The following WSB1 variants were observed in gnomAD, a reference collection of about 807,000 sequenced individuals.
WSB1 encodes WD repeat and SOCS box-containing protein 1.
Under a neutral mutation model 50.2 loss-of-function variants are expected in WSB1, and 23 were observed. The observed-to-expected ratio is 0.46, with a 90% CI of 0.33 to 0.65. The LOEUF (loss-of-function observed/expected upper bound fraction) is 0.65. WSB1 is among the 30% of genes least tolerant of loss of function. WSB1 has a pLI of 0.02. For synonymous variants in WSB1, 179 were observed against 172.0 expected (o/e 1.04, Z -0.32); for missense variants, 492 against 522.3 (o/e 0.94, Z 0.56).
At chr17:27,295,894 A>G (rs557183148) in intron 1 of WSB1, among the ~76,000 whole-genome samples, 49 of 151,376 alleles carry the variant, frequency 3.2e-4, no homozygotes, top group African/African-American at 9.0e-4. Context: ...CTGGAGTGCA[A>G]TGGCACGATC....
At position 27,298,119 on chromosome 17, in the gene WSB1, C is replaced by T. The variant is rs1458466622; in HGVS notation, c.41-3669C>T. On this transcript the variant is annotated intron_variant, in intron 1 of 8. Transcript: ENST00000262394. ...CAGCCTGGGCAACAGAGCAAGCCTC[C>T]GTCTCAGAAAAAAAAAAAAAAAAAA... 1.6e-4 allele frequency among the ~76,000 whole-genome samples: 20 copies of T among 128,070 alleles called. No individual in the cohort carries two copies. The South Asian group carries it at 2.1e-3, about 14-fold the overall frequency. 84.0% of individuals were successfully genotyped at this position (128,070 alleles called of 152,430 possible).
At chr17:27,312,180 T>C (rs1419571913) in intron 8 of WSB1, 30 bp from the exon 9 acceptor site, 2 of 1,588,318 alleles carry the variant, frequency 1.3e-6, no homozygotes, top group African/African-American at 2.7e-5. Flanking sequence ...TATACTTGGG[T>C]GACTAAGCAT....
intron 1 of WSB1, among the ~76,000 whole-genome samples, chr17:27,298,768 G>A (rs1169452338): frequency 6.6e-6 from 1 of 152,158 alleles, no homozygotes; most frequent in African/African-American, 2.4e-5. Flanking sequence ...GGAGGCTGAG[G>A]CAGGAGAATT....
chr17:27,294,542 TGC>T (rs977816877), intron 1 of WSB1, 107 bp downstream of exon 1: 1 of 1,493,886 alleles, frequency 6.7e-7, no homozygotes, highest in Non-Finnish European at 9.2e-7. Flanking sequence ...AGAGCTCCAG[TGC>T]GCCAGGGCCA....
intron 3 of WSB1, among the ~76,000 whole-genome samples, chr17:27,304,470 T>TG (rs1362566913): frequency 7.8e-6 from 1 of 127,752 alleles, no homozygotes; most frequent in African/African-American, 3.0e-5. Context: ...AGGCCAAAGC[T>TG]GGGGGATCAC....
chr17:27,294,921 A>T (rs2016889748), intron 1 of WSB1, among the ~76,000 whole-genome samples: 1 of 152,358 alleles, frequency 6.6e-6, no homozygotes, highest in South Asian at 2.1e-4. Flanking sequence ...CAGTATTTTT[A>T]AAATGGTGTG....
intron 2 of WSB1, 186 bp downstream of exon 2, chr17:27,302,142 G>A (rs1162347864): frequency 1.4e-6 from 1 of 720,036 alleles, no homozygotes; most frequent in Non-Finnish European, 2.0e-6. Flanking sequence ...CGGGCGCGGC[G>A]GCTCAGGCCT....
chr17:27,303,205 T>G, intron 2 of WSB1, 162 bp from the exon 3 acceptor site: 1 of 758,234 alleles, frequency 1.3e-6, no homozygotes, highest in Non-Finnish European at 2.0e-6. Flanking sequence ...CTCTCGTAGT[T>G]CAAATATCAA....
intron 5 of WSB1, 96 bp downstream of exon 5, chr17:27,306,978 C>A: frequency 1.7e-6 from 2 of 1,149,970 alleles, no homozygotes; most frequent in East Asian, 2.5e-5. Flanking sequence ...AGTCTGTGCT[C>A]GGTGTCATGA....
intron 5 of WSB1, chr17:27,307,145 T>G (rs1381257418): frequency 9.4e-5 from 41 of 436,812 alleles, no homozygotes; most frequent in Non-Finnish European, 2.9e-5. Context: ...TAGAAAAGTT[T>G]ATGTGCTGTA....
intron 1 of WSB1, among the ~76,000 whole-genome samples, chr17:27,300,631 T>C (rs1312447619): frequency 2.6e-5 from 4 of 152,112 alleles, no homozygotes; most frequent in African/African-American, 9.7e-5. Context: ...GTTTGAGGCC[T>C]ATTAGGAAGA....
At chr17:27,298,129 A>AG (rs2017066940) in intron 1 of WSB1, among the ~76,000 whole-genome samples, 1 of 147,800 alleles carries the variant, frequency 6.8e-6, no homozygotes. Flanking sequence ...CGTCTCAGAA[A>AG]AAAAAAAAAA....
intron 1 of WSB1, among the ~76,000 whole-genome samples, chr17:27,296,619 C>G (rs2016992746): frequency 6.6e-6 from 1 of 152,124 alleles, no homozygotes; most frequent in Admixed American, 6.6e-5. Context: ...CACAGATCAT[C>G]CCTTTCTGGT....
intron 1 of WSB1, among the ~76,000 whole-genome samples, chr17:27,295,924 G>A (rs1305012753): frequency 6.6e-6 from 1 of 151,358 alleles, no homozygotes; most frequent in East Asian, 1.9e-4. Context: ...TGCAACCTCC[G>A]GCTCCCGGTT....
Position 27,309,203 on chromosome 17 carries a change from C to G in WSB1, c.815C>G (p.Ala272Gly), listed in dbSNP as rs1308393169. The G allele has an allele frequency of 6.2e-7, 1 of 1,613,194 alleles. No homozygotes were observed. Among genetic ancestry groups the G allele is most frequent in the South Asian group, 1.1e-5 (1 of 90,986 alleles). ...TTTTCTCCTGATGGAGCATTACTGG[C>G]TACTGCATCTTATGATACTCGAGTA... ...CDFSPDGALL[A>G]TASYDTRVYI... Residue 272 changes from alanine to glycine, a missense_variant, in exon 6 of 9, where the codon GCT (alanine) becomes GGT (glycine). Ala to Gly is a moderately conservative substitution (Grantham distance 60). Coordinates refer to ENST00000262394, the MANE Select transcript of WSB1 (RefSeq NM_015626.10).
chr17:27,311,686 C>T lies in WSB1; in HGVS notation c.1106+70C>T, dbSNP rs2017689893. 11 of 1,091,632 alleles carry T rather than the reference C, an allele frequency of 1.0e-5. No individual in the cohort carries two copies. The South Asian group carries it at 1.5e-4, about 15-fold the overall frequency. 67.6% of individuals were successfully genotyped at this position (1,091,632 alleles called of 1,614,324 possible). On this transcript the variant is annotated intron_variant, in intron 8 of 8. Coordinates refer to ENST00000262394, the MANE Select transcript of WSB1 (RefSeq NM_015626.10). ...AGATGTAGTCTCCCAGGCTGGAGTA[C>T]AGTGGTGCAATCTCTGCTCACTGTA...
chr17:27,307,653 T>C, intron 5 of WSB1: 1 of 1,346,586 alleles, frequency 7.4e-7, no homozygotes, highest in Admixed American at 2.2e-5. Flanking sequence ...AGTTTAGTTC[T>C]TTACAAATCA....
At chr17:27,303,751 C>T in intron 3 of WSB1, 116 bp downstream of exon 3, 1 of 1,296,414 alleles carries the variant, frequency 7.7e-7, no homozygotes, top group Admixed American at 2.2e-5. Context: ...GAATTGATGG[C>T]ATAGGTGCGT....
At position 27,313,294 on chromosome 17, in the gene WSB1, G is replaced by A. The variant is rs1219570157; in HGVS notation, c.*925G>A. ...TACTCCCCCTCTAAACACTGCTGCTGCCTTAATTTTAGAAAGCAGCTTACT... is the reference window on the plus strand; with the variant it reads ...TACTCCCCCTCTAAACACTGCTGCTACCTTAATTTTAGAAAGCAGCTTACT... On this transcript the variant is annotated 3_prime_UTR_variant, in exon 9 of 9. Coordinates refer to ENST00000262394, the MANE Select transcript of WSB1 (RefSeq NM_015626.10). 3 of 149,814 alleles carry A rather than the reference G, an allele frequency of 2.0e-5. No individual in the cohort carries two copies. Among genetic ancestry groups the A allele is most frequent in the African/African-American group, 4.9e-5 (2 of 40,614 alleles). The allele number at this position is 149,814 out of a possible 1,614,324, so 9.3% of individuals were successfully genotyped here. A position where few individuals can be genotyped will look rare whatever the true frequency, so the allele number is the denominator to read the frequency against.
Sources: gnomAD v4.1 joint callset for allele counts (sites outside exome capture counted in the v4.1 genomes callset) on GRCh38, gnomAD v4.1.1 for gene constraint, MANE v1.5 for transcripts, NCBI Gene and HGNC (gene_info 2026-07-23, HGNC 2026-07-21) for gene names.